STAB2: variants seen among roughly 807,000 people sequenced by gnomAD.
STAB2 encodes stabilin-2.
Under a neutral mutation model 338.1 loss-of-function variants are expected in STAB2, and 288 were observed. That is an observed-to-expected ratio of 0.85 (90% CI 0.77 to 0.94). The LOEUF (loss-of-function observed/expected upper bound fraction) is 0.94, where lower values mean the gene tolerates loss of function less well. Among genes scored for constraint, STAB2 ranks in the 40% least tolerant of loss-of-function variants. STAB2 has a pLI of 0.00. For synonymous variants in STAB2, 1,202 were observed against 1,193.3 expected (o/e 1.01, Z -0.15); for missense variants, 3,141 against 3,210.1 (o/e 0.98, Z 0.52).
chr12:103,723,984 A>G (rs918157339), intron 44 of STAB2, among the ~76,000 whole-genome samples: 1 of 152,166 alleles, frequency 6.6e-6, no homozygotes, highest in African/African-American at 2.4e-5. Flanking sequence ...TGTTGACTGC[A>G]AAGCCAGGGG....
intron 52 of STAB2, among the ~76,000 whole-genome samples, 181 bp downstream of exon 52, chr12:103,735,761 C>T (rs182604712): frequency 2.6e-5 from 4 of 152,258 alleles, no homozygotes; most frequent in African/African-American, 9.6e-5. Context: ...ATATGAAAAA[C>T]CTGATAAATC....
intron 3 of STAB2, among the ~76,000 whole-genome samples, chr12:103,610,938 A>G (rs1404464141): frequency 6.6e-6 from 1 of 152,116 alleles, no homozygotes; most frequent in African/African-American, 2.4e-5. Context: ...CCTTCATTTC[A>G]TTATGTACCC....
At chr12:103,660,659 C>T in intron 16 of STAB2, 24 bp from the exon 17 acceptor site, 1 of 1,613,452 alleles carries the variant, frequency 6.2e-7, no homozygotes. Context: ...AATATCTCTG[C>T]CTTTTGTTCT....
rs139958310 is a variant in STAB2, at chr12:103,643,560, A to G, written c.1040+3304A>G. On this transcript the variant is annotated intron_variant, in intron 9 of 68. Coordinates refer to ENST00000388887, the MANE Select transcript of STAB2 (RefSeq NM_017564.10). ...TCCCAGAGCACCCTGGAATGTGTCT[A>G]TGAGAGAATTTAGGGTCCAGAACTG... Among the ~76,000 whole-genome samples the G allele has an allele frequency of 3.8e-3, 578 of 152,156 alleles. 2 individuals are homozygous for G. The highest frequency in any genetic ancestry group is 0.014 in the African/African-American group (561 of 41,510).
intron 17 of STAB2, 129 bp from the exon 18 acceptor site, chr12:103,662,717 T>G: frequency 9.4e-7 from 1 of 1,061,482 alleles, no homozygotes; most frequent in Non-Finnish European, 1.3e-6. Flanking sequence ...CAACCTACCC[T>G]CCAATGAAAA....
At chr12:103,607,243 A>G (rs1957043475) in intron 3 of STAB2, among the ~76,000 whole-genome samples, 1 of 151,418 alleles carries the variant, frequency 6.6e-6, no homozygotes, top group African/African-American at 2.4e-5. Flanking sequence ...TTTCAAATAC[A>G]TTTTCTCCCT....
intron 67 of STAB2, 97 bp downstream of exon 67, chr12:103,762,499 C>A: frequency 1.3e-6 from 2 of 1,575,622 alleles, no homozygotes; most frequent in South Asian, 1.2e-5. Context: ...CCAGAGTCCT[C>A]ACCCAGAAGC....
intron 1 of STAB2, 128 bp from the exon 2 acceptor site, chr12:103,590,769 C>A (rs1314742867): frequency 1.8e-6 from 2 of 1,134,820 alleles, no homozygotes; most frequent in African/African-American, 1.5e-5. Context: ...ACCAATCAAC[C>A]TTATCACCAT....
At chr12:103,720,247 G>A (rs528781194) in intron 44 of STAB2, among the ~76,000 whole-genome samples, 10 of 152,154 alleles carry the variant, frequency 6.6e-5, no homozygotes, top group Non-Finnish European at 1.2e-4. Context: ...CCTTGTCTTG[G>A]ACAAATGACT....
intron 18 of STAB2, 29 bp from the exon 19 acceptor site, chr12:103,666,262 C>G: frequency 6.2e-7 from 1 of 1,612,222 alleles, no homozygotes; most frequent in Non-Finnish European, 8.5e-7. Flanking sequence ...ATAGGGACAC[C>G]TGCACTGACC....
chr12:103,739,506 AG>A (rs1882407008), intron 54 of STAB2, 38 bp downstream of exon 54: 2 of 1,521,218 alleles, frequency 1.3e-6, no homozygotes, highest in Non-Finnish European at 1.8e-6. Context: ...GGAGAGCCAT[AG>A]GTCTGTTTCA....
intron 42 of STAB2, 127 bp downstream of exon 42, chr12:103,713,895 G>A (rs759705296): frequency 5.4e-6 from 8 of 1,473,954 alleles, no homozygotes; most frequent in African/African-American, 4.2e-5. Flanking sequence ...TGCCAGGGCA[G>A]GAAAGTATAA....
At chr12:103,667,819 C>T (rs7296829) in intron 19 of STAB2, among the ~76,000 whole-genome samples, 81,599 of 152,012 alleles carry the variant, frequency 0.54, 23,545 homozygotes, top group East Asian at 0.8. Flanking sequence ...AAAATTTGAA[C>T]CAGAGACTAA....
intron 58 of STAB2, 27 bp downstream of exon 58, chr12:103,746,731 A>G (rs1295707672): frequency 6.2e-7 from 1 of 1,608,916 alleles, no homozygotes; most frequent in Non-Finnish European, 8.5e-7. Flanking sequence ...CACAGGTGAA[A>G]TAGCAGCATG....
chr12:103,594,315 T>G (rs1956842832), intron 2 of STAB2, 80 bp from the exon 3 acceptor site: 1 of 1,063,018 alleles, frequency 9.4e-7, no homozygotes, highest in Non-Finnish European at 1.4e-6. Context: ...AGACCTAAAT[T>G]GAAAGCTAAG....
At chr12:103,729,183 C>T (rs1465664651) in intron 48 of STAB2, among the ~76,000 whole-genome samples, 188 bp downstream of exon 48, 1 of 152,164 alleles carries the variant, frequency 6.6e-6, no homozygotes, top group African/African-American at 2.4e-5. Context: ...GAACAATACA[C>T]ACTGGGGCCT....
rs1290124666 is a variant in STAB2, at chr12:103,690,557, G to T, written c.3297+19G>T. The T allele has an allele frequency of 1.3e-6, 2 of 1,599,810 alleles. No homozygotes were observed. Among genetic ancestry groups the T allele is most frequent in the East Asian group, 4.5e-5 (2 of 44,802 alleles). ...GGATGGGGTAAGAGCTCTGGAATTT[G>T]TCTGTTTACTTGAAACATAACAGCT... On this transcript the variant is annotated intron_variant, in intron 30 of 68. Transcript: ENST00000388887.
At chr12:103,765,165 G>C (rs1884844980) in intron 68 of STAB2, among the ~76,000 whole-genome samples, 1 of 149,818 alleles carries the variant, frequency 6.7e-6, no homozygotes, top group South Asian at 2.1e-4. Context: ...CTGTTATGCT[G>C]AAATCACCTT....
chr12:103,618,971 AGAG>A (rs1382449663), intron 3 of STAB2, among the ~76,000 whole-genome samples: 4 of 152,170 alleles, frequency 2.6e-5, no homozygotes, highest in African/African-American at 9.7e-5. Context: ...GGTTTTATAA[AGAG>A]GAATTCCCCT....
Sources: gnomAD v4.1 joint callset for allele counts (sites outside exome capture counted in the v4.1 genomes callset) on GRCh38, gnomAD v4.1.1 for gene constraint, MANE v1.5 for transcripts, NCBI Gene and HGNC (gene_info 2026-07-23, HGNC 2026-07-21) for gene names.